The following PCSK4 variants were observed in gnomAD, a reference collection of about 807,000 sequenced individuals.
PCSK4 encodes the protein proprotein convertase subtilisin/kexin type 4.
A neutral mutation model predicts 80.3 loss-of-function variants in PCSK4; 64 were observed. The ratio of observed to expected loss-of-function variants is 0.80; its 90% CI spans 0.65 to 0.98. The LOEUF (loss-of-function observed/expected upper bound fraction) is 0.98. PCSK4 is among the 50% of genes least tolerant of loss of function. PCSK4 has a pLI of 0.00. For missense variants in PCSK4, 1,213 were observed against 1,093.6 expected (o/e 1.11, Z -1.54); for synonymous variants, 561 against 487.6 (o/e 1.15, Z -1.98).
upstream of PCSK4, chr19:1,490,491 A>C: frequency 1.9e-6 from 1 of 522,952 alleles, no homozygotes; most frequent in Non-Finnish European, 3.4e-6. Flanking sequence ...CTCAGCCAGG[A>C]GGGGCGCGAA....
chr19:1,489,558 A>C, intron 2 of PCSK4: 1 of 618,984 alleles, frequency 1.6e-6, no homozygotes, highest in Non-Finnish European at 2.7e-6. Context: ...GGCCCAGAGG[A>C]GGGAGGGGGA....
At chr19:1,483,989 G>T in intron 9 of PCSK4, 38 bp downstream of exon 9, 1 of 1,482,266 alleles carries the variant, frequency 6.7e-7, no homozygotes, top group Non-Finnish European at 9.0e-7. Flanking sequence ...GCCGCGCCTG[G>T]GGGCGAGGGC....
intron 2 of PCSK4, among the ~76,000 whole-genome samples, chr19:1,489,399 G>A (rs949124083): frequency 2.6e-5 from 4 of 152,222 alleles, no homozygotes; most frequent in African/African-American, 9.6e-5. Flanking sequence ...CTCCCAAAGT[G>A]CTGGGATTAC....
intron 2 of PCSK4, 33 bp downstream of exon 2, chr19:1,489,760 C>G: frequency 6.3e-7 from 1 of 1,582,834 alleles, no homozygotes; most frequent in East Asian, 2.3e-5. Flanking sequence ...GCTGAGACCC[C>G]GGGCAGGGGG....
chr19:1,484,132 G>T lies in PCSK4; in HGVS notation c.1069-5C>A. 1 of 1,525,870 alleles carries T rather than the reference G, an allele frequency of 6.6e-7. No individual in the cohort carries two copies. The allele number at this position is 1,525,870 out of a possible 1,614,324, so 94.5% of individuals were successfully genotyped here. On this transcript the variant is annotated splice_polypyrimidine_tract_variant and splice_region_variant and intron_variant, in intron 8 of 14. Coordinates refer to ENST00000300954, the Ensembl canonical transcript of PCSK4. ...GTGATGCAGGTCCGTGGTGACCTGA[G>T]GGCAGAGGGGGGTGGGACTCGGGGG...
intron 8 of PCSK4, among the ~76,000 whole-genome samples, chr19:1,485,798 G>A (rs985803542): frequency 2.4e-4 from 36 of 151,730 alleles, no homozygotes; most frequent in Admixed American, 2.3e-3. Context: ...GTGAACCCGG[G>A]AGGCGGAGCT....
At chr19:1,490,073 T>C in intron 1 of PCSK4, 85 bp downstream of exon 1, 4 of 1,552,650 alleles carry the variant, frequency 2.6e-6, no homozygotes, top group Non-Finnish European at 3.5e-6. Context: ...TAGAAGACCT[T>C]GTGGGCTCCC....
chr19:1,487,822 C>A (rs2145416239), exon 5 of PCSK4: 1 of 1,573,512 alleles, frequency 6.4e-7, no homozygotes, highest in Non-Finnish European at 8.6e-7. Context: ...GGCTGGGGGT[C>A]CGGGTCGTAG....
Position 1,482,153 on chromosome 19 carries a change from G to T in PCSK4, c.1874C>A (p.Pro625Gln), listed in dbSNP as rs780900141. Residue 625 changes from proline (P) to glutamine (Q), a missense_variant, in exon 15 of 15, where the codon CCG (proline) becomes CAG (glutamine). Coordinates refer to ENST00000300954, the Ensembl canonical transcript of PCSK4. ...CAGCCTTGTGTGGTTGAAGAACCGC[G>T]GGGGGCAGTAGGCCAGGCAGAGCTG... 4 of 1,559,614 alleles carry T rather than the reference G, an allele frequency of 2.6e-6. No individual in the cohort carries two copies. The highest frequency in any genetic ancestry group is 1.2e-5 in the South Asian group (1 of 85,694).
At chr19:1,485,351 C>T (rs1489749847) in intron 8 of PCSK4, among the ~76,000 whole-genome samples, 1 of 151,658 alleles carries the variant, frequency 6.6e-6, no homozygotes, top group Non-Finnish European at 1.5e-5. Flanking sequence ...ATCGCTTGAC[C>T]TGAGGAGTTG....
intron 8 of PCSK4, among the ~76,000 whole-genome samples, chr19:1,485,945 C>A (rs1029396573): frequency 7.0e-6 from 1 of 143,692 alleles, no homozygotes; most frequent in Non-Finnish European, 1.5e-5. Flanking sequence ...TGAGCTGTTG[C>A]GCCCGGCTGG....
At chr19:1,483,653 G>T in exon 11 of PCSK4, 1 of 1,586,722 alleles carries the variant, frequency 6.3e-7, no homozygotes, top group Non-Finnish European at 8.5e-7. Context: ...GTCTCACGTG[G>T]GGCGGCTCTG....
At position 1,483,345 on chromosome 19, in the gene PCSK4, C is replaced by G. The variant is rs766986239; in HGVS notation, c.1510G>C (p.Gly504Arg). The change falls in exon 12 of 15, where the codon GGA (glycine) becomes CGA (arginine). Residue 504 changes from glycine (G) to arginine (R), a missense_variant. Transcript: ENST00000300954. ...CTGGTGAGCGAGATCTCCAGGTCTC[C>G]GCGCCGGCTGTAGGACAGCGTCAGC... 2.5e-6 allele frequency: 4 copies of G among 1,610,038 alleles called. No individual in the cohort carries two copies. In the African/African-American group the frequency reaches 5.3e-5, roughly 21 times the overall value.
At chr19:1,483,362 AGCGTCAGCTGCGCCT>A in exon 12 of PCSK4, 1 of 1,609,222 alleles carries the variant, frequency 6.2e-7, no homozygotes, top group African/African-American at 1.3e-5. Context: ...GCTGTAGGAC[AGCGTCAGCTGCGCCT>A]GCACGTGCTC....
chr19:1,489,236 A>G (rs749684052), intron 2 of PCSK4, among the ~76,000 whole-genome samples: 2 of 147,810 alleles, frequency 1.4e-5, no homozygotes, highest in African/African-American at 5.1e-5. Context: ...GGTTCACACC[A>G]TTCTCCTGCC....
rs759639597 is a variant in PCSK4, at chr19:1,482,861, AAGCCCCGCCCACCAC to A, written c.1696+20_1696+34del. ...GCCCCTGGGGGGAGGTTGGAGAGCC[AAGCCCCGCCCACCAC>A]AGCCCCGCCCCGCCCTCACCCGTGT... is the stretch of plus-strand genomic sequence containing the variant. On this transcript the variant is annotated intron_variant, in intron 13 of 14. Coordinates refer to ENST00000300954, the Ensembl canonical transcript of PCSK4. The A allele has an allele frequency of 1.9e-6, 3 of 1,606,096 alleles. No individual in the cohort carries two copies. Among genetic ancestry groups the A allele is most frequent in the African/African-American group, 1.3e-5 (1 of 74,842 alleles).
chr19:1,488,441 C>G (rs962585095), intron 2 of PCSK4, among the ~76,000 whole-genome samples, 161 bp from the exon 3 acceptor site: 1 of 152,080 alleles, frequency 6.6e-6, no homozygotes, highest in South Asian at 2.1e-4. Context: ...CGGAAGGGGT[C>G]GAGGCTTTTG....
At chr19:1,489,858 C>T (rs1484306604) in exon 2 of PCSK4, 2 of 1,610,438 alleles carry the variant, frequency 1.2e-6, no homozygotes, top group Admixed American at 1.7e-5. Context: ...TGGACCACGC[C>T]CCGGTGCCGC....
chr19:1,489,517 G>A lies in PCSK4; in HGVS notation c.294+276C>T, dbSNP rs1008982460. ...ATGACCTAGACGGTGGGGAAGTCAC[G>A]CCGTCTGTCCCTCCTTACCAGAGCC... is the stretch of plus-strand genomic sequence containing the variant. On this transcript the variant is annotated intron_variant, in intron 2 of 14. Coordinates refer to ENST00000300954, the Ensembl canonical transcript of PCSK4. 2.8e-5 allele frequency: 13 copies of A among 459,500 alleles called. No individual in the cohort carries two copies. The South Asian group carries it at 3.2e-4, about 11-fold the overall frequency. The allele number at this position is 459,500 out of a possible 1,614,324, so 28.5% of individuals were successfully genotyped here. A position where few individuals can be genotyped will look rare whatever the true frequency, so the allele number is the denominator to read the frequency against.
Sources: gnomAD v4.1 joint callset for allele counts (sites outside exome capture counted in the v4.1 genomes callset) on GRCh38, gnomAD v4.1.1 for gene constraint, MANE v1.5 for transcripts, NCBI Gene and HGNC (gene_info 2026-07-23, HGNC 2026-07-21) for gene names.